The following SLC30A8 variants were observed in gnomAD, a reference collection of about 807,000 sequenced individuals.
SLC30A8 encodes the protein solute carrier family 30 member 8, also known as proton-coupled zinc antiporter SLC30A8.
SLC30A8 carries 27 observed loss-of-function variants against 36.9 expected under a neutral mutation model. The ratio of observed to expected loss-of-function variants is 0.73; its 90% CI spans 0.54 to 1.01. The LOEUF is 1.01. Among genes scored for constraint, SLC30A8 ranks in the 50% least tolerant of loss-of-function variants. The probability of loss-of-function intolerance (pLI) is 0.00; values close to 1 mark genes in which losing one functional copy is unlikely to be tolerated. For missense variants in SLC30A8, 439 were observed against 452.0 expected, an observed-to-expected ratio of 0.97 and a Z score of 0.26; for synonymous variants, 164 against 172.4, an observed-to-expected ratio of 0.95 and a Z score of 0.38.
chr8:116,958,019 C>T (rs575014891), intron 1 of SLC30A8, among the ~76,000 whole-genome samples: 87 of 152,300 alleles, frequency 5.7e-4, no homozygotes, highest in African/African-American at 2.0e-3. Flanking sequence ...TTTGACTGTG[C>T]CTATCTCCTT....
At position 117,162,937 on chromosome 8, in the gene SLC30A8, G is replaced by A. The variant is rs113219377; in HGVS notation, c.724-488G>A. Among the ~76,000 whole-genome samples the A allele has an allele frequency of 2.3e-3, 356 of 152,326 alleles. 1 individual carries two copies. The highest frequency in any genetic ancestry group is 8.1e-3 in the African/African-American group (338 of 41,596). ...CCAGCCTTGAGTATGTGCAATACTTGAGAGGCAAAGAAATAAACTCACTCC... is the reference window on the plus strand; with the variant it reads ...CCAGCCTTGAGTATGTGCAATACTTAAGAGGCAAAGAAATAAACTCACTCC... On this transcript the variant is annotated intron_variant, in intron 5 of 7. Transcript: ENST00000456015.
chr8:117,110,895 T>G (rs943367787), intron 2 of SLC30A8, among the ~76,000 whole-genome samples: 1 of 152,118 alleles, frequency 6.6e-6, no homozygotes, highest in African/African-American at 2.4e-5. Context: ...ACACCAAGGT[T>G]AGAGGCCGTC....
chr8:117,097,478 A>C (rs1341563214), intron 2 of SLC30A8, among the ~76,000 whole-genome samples: 2 of 115,264 alleles, frequency 1.7e-5, no homozygotes, highest in Non-Finnish European at 3.4e-5. Flanking sequence ...TTAAATAAAT[A>C]TATTTTAAAT....
At chr8:117,080,031 A>G (rs1415741888) in intron 2 of SLC30A8, among the ~76,000 whole-genome samples, 1 of 152,190 alleles carries the variant, frequency 6.6e-6, no homozygotes, top group Admixed American at 6.5e-5. Flanking sequence ...TCTTCATTTT[A>G]AAGTAAGGAA....
intron 1 of SLC30A8, among the ~76,000 whole-genome samples, chr8:116,977,906 AT>A (rs1457913860): frequency 6.6e-6 from 1 of 152,044 alleles, no homozygotes. Context: ...TGATGGTTAT[AT>A]TTTTACATGA....
chr8:116,984,528 T>C (rs904133394), intron 1 of SLC30A8, among the ~76,000 whole-genome samples: 1 of 152,176 alleles, frequency 6.6e-6, no homozygotes, highest in Non-Finnish European at 1.5e-5. Flanking sequence ...TGATGTCTCA[T>C]TGGGGTTTTA....
At chr8:117,002,631 A>G (rs1303862866) in intron 1 of SLC30A8, among the ~76,000 whole-genome samples, 1 of 152,060 alleles carries the variant, frequency 6.6e-6, no homozygotes, top group Non-Finnish European at 1.5e-5. Context: ...TTTGAAACGG[A>G]GTCTTGCTCT....
intron 1 of SLC30A8, 138 bp from the exon 2 acceptor site, chr8:117,146,816 T>C (rs965303232): frequency 1.9e-5 from 28 of 1,444,384 alleles, no homozygotes; most frequent in Non-Finnish European, 2.6e-5. Context: ...TATTTTCTTG[T>C]AGAAGGAGCT....
intron 2 of SLC30A8, among the ~76,000 whole-genome samples, chr8:117,052,256 C>A (rs1236852025): frequency 6.6e-6 from 1 of 152,214 alleles, no homozygotes; most frequent in Non-Finnish European, 1.5e-5. Context: ...GGTTATCCAC[C>A]TGCCTTGGCC....
rs556256688 is a variant in SLC30A8, at chr8:117,120,450, A to G, written c.-225-14830A>G. Among the ~76,000 whole-genome samples the G allele has an allele frequency of 6.1e-4, 93 of 152,028 alleles. 1 individual carries two copies. The highest frequency in any genetic ancestry group is 2.1e-3 in the African/African-American group (88 of 41,538). On this transcript the variant is annotated intron_variant, in intron 2 of 10. Transcript: ENST00000427715. ...TGAAATTGCACCCTTATTTTAAACCATACACAAAAGTCAACTCAAAATGGG... is the reference window on the plus strand; with the variant it reads ...TGAAATTGCACCCTTATTTTAAACCGTACACAAAAGTCAACTCAAAATGGG...
chr8:117,070,260 G>C (rs1311671062), intron 2 of SLC30A8, among the ~76,000 whole-genome samples: 1 of 152,058 alleles, frequency 6.6e-6, no homozygotes, highest in Non-Finnish European at 1.5e-5. Context: ...TGCTGGTTTT[G>C]CCTGAGCTTG....
chr8:117,074,666 T>C (rs1349701913), intron 2 of SLC30A8, among the ~76,000 whole-genome samples: 5 of 152,198 alleles, frequency 3.3e-5, no homozygotes, highest in Admixed American at 1.3e-4. Context: ...TAAAGGCACA[T>C]CAGTTCAGTA....
At chr8:117,143,242 C>A (rs533613433) in intron 1 of SLC30A8, among the ~76,000 whole-genome samples, 3 of 152,208 alleles carry the variant, frequency 2.0e-5, no homozygotes, top group Admixed American at 2.0e-4. Context: ...GAGATGAAAT[C>A]AAAGTTTTAG....
rs550651644 is a variant in SLC30A8, at chr8:117,015,249, A to G, written c.-265-23970A>G. 1.3e-4 allele frequency among the ~76,000 whole-genome samples: 20 copies of G among 152,236 alleles called. No homozygotes were observed. The South Asian group carries it at 3.9e-3, about 30-fold the overall frequency. Reference sequence around the variant, plus strand: ...ACCACATAGAGATTTAGGACAAAAAACCATGTATCATTATTCCAAGGAAAA... The same window carrying G: ...ACCACATAGAGATTTAGGACAAAAAGCCATGTATCATTATTCCAAGGAAAA... On this transcript the variant is annotated intron_variant, in intron 1 of 10. Transcript: ENST00000427715.
intron 2 of SLC30A8, among the ~76,000 whole-genome samples, chr8:117,110,654 G>T (rs147412713): frequency 6.6e-6 from 1 of 152,332 alleles, no homozygotes; most frequent in East Asian, 1.9e-4. Flanking sequence ...AATGGGCTGA[G>T]AAGGGTCCGT....
intron 7 of SLC30A8, 57 bp downstream of exon 7, chr8:117,171,225 G>T: frequency 6.4e-7 from 1 of 1,569,942 alleles, no homozygotes; most frequent in Non-Finnish European, 8.8e-7. Context: ...TGTAAAGTCA[G>T]TAATTTCCCT....
intron 6 of SLC30A8, among the ~76,000 whole-genome samples, chr8:117,169,386 A>G (rs1233409012): frequency 1.3e-5 from 2 of 152,112 alleles, no homozygotes; most frequent in African/African-American, 4.8e-5. Flanking sequence ...TGATTGCAAA[A>G]ATTCAAAAAA....
intron 2 of SLC30A8, among the ~76,000 whole-genome samples, chr8:117,119,601 T>A (rs551327107): frequency 6.6e-6 from 1 of 151,932 alleles, no homozygotes; most frequent in Non-Finnish European, 1.5e-5. Flanking sequence ...TATCACATCA[T>A]CTGTGTGTAT....
intron 6 of SLC30A8, among the ~76,000 whole-genome samples, chr8:117,167,587 G>A (rs1428211903): frequency 6.6e-6 from 1 of 151,166 alleles, no homozygotes; most frequent in African/African-American, 2.4e-5. Flanking sequence ...TTTTTTCTCT[G>A]CACCTGGCAT....
Sources: gnomAD v4.1 joint callset for allele counts (sites outside exome capture counted in the v4.1 genomes callset) on GRCh38, gnomAD v4.1.1 for gene constraint, MANE v1.5 for transcripts, NCBI Gene and HGNC (gene_info 2026-07-23, HGNC 2026-07-21) for gene names.